Variants in NUFIP1 observed in about 807,000 individuals in gnomAD.
NUFIP1 encodes nuclear FMR1 interacting protein 1, also known as FMR1-interacting protein NUFIP1.
NUFIP1 carries 38 observed loss-of-function variants against 56.2 expected under a neutral mutation model. That is an observed-to-expected ratio of 0.68 (90% CI 0.52 to 0.89). NUFIP1 has a LOEUF of 0.89. NUFIP1 is among the 40% of genes least tolerant of loss of function. The pLI is 0.00. For synonymous variants in NUFIP1, 215 were observed against 212.4 expected, an observed-to-expected ratio of 1.01 and a Z score of -0.10; for missense variants, 567 against 605.8, an observed-to-expected ratio of 0.94 and a Z score of 0.67.
intron 6 of NUFIP1, among the ~76,000 whole-genome samples, chr13:44,964,539 A>G (rs192259233): frequency 2.4e-4 from 36 of 152,296 alleles, no homozygotes; most frequent in Admixed American, 9.2e-4. Context: ...GAATCCCTGA[A>G]TTGAGGAACT....
chr13:44,974,835 T>C (rs1214072807), intron 5 of NUFIP1, among the ~76,000 whole-genome samples: 1 of 152,164 alleles, frequency 6.6e-6, no homozygotes, highest in Non-Finnish European at 1.5e-5. Context: ...CACTGCAGCA[T>C]CTAACATGCC....
intron 8 of NUFIP1, among the ~76,000 whole-genome samples, chr13:44,945,550 A>G (rs11841407): frequency 0.058 from 8,791 of 152,124 alleles, 295 homozygotes; most frequent in East Asian, 0.079. Context: ...TCCCTCATGA[A>G]CATGTATGCA....
intron 5 of NUFIP1, among the ~76,000 whole-genome samples, chr13:44,977,249 C>A (rs1489045990): frequency 6.6e-6 from 1 of 152,170 alleles, no homozygotes; most frequent in African/African-American, 2.4e-5. Flanking sequence ...TGTATAAGAC[C>A]AGGGCCAACT....
At chr13:44,959,169 C>A (rs1424654990) in intron 7 of NUFIP1, among the ~76,000 whole-genome samples, 3 of 152,188 alleles carry the variant, frequency 2.0e-5, no homozygotes, top group Non-Finnish European at 4.4e-5. Flanking sequence ...TCTCCTATAG[C>A]CTCCCTGCCC....
At chr13:44,942,932 C>G (rs956722174) in intron 9 of NUFIP1, among the ~76,000 whole-genome samples, 1 of 147,794 alleles carries the variant, frequency 6.8e-6, no homozygotes, top group Non-Finnish European at 1.5e-5. Context: ...CGCCACTACA[C>G]TCCAGCTTGG....
chr13:44,951,690 G>A (rs1000636297), intron 7 of NUFIP1, among the ~76,000 whole-genome samples: 1 of 152,176 alleles, frequency 6.6e-6, no homozygotes, highest in African/African-American at 2.4e-5. Context: ...CTGCAATCAA[G>A]TGAATATGGC....
At chr13:44,983,176 TA>T (rs1490268801) in intron 1 of NUFIP1, among the ~76,000 whole-genome samples, 1 of 151,894 alleles carries the variant, frequency 6.6e-6, no homozygotes, top group African/African-American at 2.4e-5. Context: ...TATTTTATTT[TA>T]TTTTTTTTGG....
intron 5 of NUFIP1, among the ~76,000 whole-genome samples, chr13:44,973,122 C>G (rs9534014): frequency 0.59 from 89,048 of 152,044 alleles, 31,224 homozygotes; most frequent in Non-Finnish European, 0.78. Context: ...CAAAGTTTCT[C>G]TAGCCAGTGG....
chr13:44,968,185 T>C (rs1477903301), intron 5 of NUFIP1, among the ~76,000 whole-genome samples: 1 of 151,852 alleles, frequency 6.6e-6, no homozygotes, highest in Non-Finnish European at 1.5e-5. Flanking sequence ...AAACTATAAA[T>C]AAACATAAAA....
chr13:44,986,535 CA>C (rs998938451), intron 1 of NUFIP1, among the ~76,000 whole-genome samples: 17 of 151,792 alleles, frequency 1.1e-4, no homozygotes, highest in African/African-American at 3.6e-4. Context: ...ACTAAAAATA[CA>C]AAAAAATCAG....
At chr13:44,960,079 G>A (rs768373052) in intron 6 of NUFIP1, among the ~76,000 whole-genome samples, 9 of 149,920 alleles carry the variant, frequency 6.0e-5, no homozygotes, top group Non-Finnish European at 1.0e-4. Flanking sequence ...TTACAGGCAC[G>A]TGCCACCACA....
At chr13:44,961,021 C>T (rs140342314) in intron 6 of NUFIP1, among the ~76,000 whole-genome samples, 197 of 149,820 alleles carry the variant, frequency 1.3e-3, no homozygotes, top group African/African-American at 4.5e-3. Flanking sequence ...CCACTGCACT[C>T]CAGCCCGGGC....
intron 5 of NUFIP1, among the ~76,000 whole-genome samples, chr13:44,971,582 C>A (rs1032054205): frequency 6.6e-6 from 1 of 152,098 alleles, no homozygotes; most frequent in Admixed American, 6.6e-5. Context: ...CTATTCTCCC[C>A]CATTCCTTAA....
chr13:44,971,426 A>C (rs1273232769), intron 5 of NUFIP1, among the ~76,000 whole-genome samples: 1 of 151,966 alleles, frequency 6.6e-6, no homozygotes, highest in Non-Finnish European at 1.5e-5. Flanking sequence ...CTCAGCCCCC[A>C]CCTGTCCTAC....
chr13:44,979,914 C>T lies in NUFIP1; in HGVS notation c.633G>A (p.Lys211=). ...ELDCSFTAHE[K]IVQFHWRNMH... is the part of the protein sequence containing the mutation. ...CATTTCTCCAATGGAACTGGACAAT[C>T]TTCTCGTGTGCAGTAAAAGAGCAAT... Residue 211 remains lysine, a synonymous_variant, in exon 4 of 10, where the codon AAG becomes AAA. Transcript: ENST00000379161. The T allele has an allele frequency of 6.2e-7, 1 of 1,604,120 alleles. No homozygotes were observed. The highest frequency in any genetic ancestry group is 8.5e-7 in the Non-Finnish European group (1 of 1,177,232).
rs397959012 is a variant in NUFIP1 at position 44,942,967 on chromosome 13, T to TAAA, written c.1371+472_1371+474dup. On this transcript the variant is annotated intron_variant, in intron 9 of 9. Transcript: ENST00000379161. ...GGTGACAAAGCAAGACCTCAACTCTTAAAAAAAAAAAAAAAAAAAATAGGT... is the reference window on the plus strand; with the variant it reads ...GGTGACAAAGCAAGACCTCAACTCTTAAAAAAAAAAAAAAAAAAAAAAATAGGT... 5.7e-5 allele frequency among the ~76,000 whole-genome samples: 6 copies of TAAA among 105,116 alleles called. No individual in the cohort carries two copies. In the East Asian group the frequency reaches 1.5e-3, roughly 27 times the overall value. 69.0% of individuals were successfully genotyped at this position (105,116 alleles called of 152,430 possible).
chr13:44,954,821 T>C lies in NUFIP1; in HGVS notation c.1021+4560A>G, dbSNP rs1273345941. Among the ~76,000 whole-genome samples the C allele has an allele frequency of 3.9e-5, 6 of 152,360 alleles. No individual in the cohort carries two copies. In the East Asian group the frequency reaches 1.2e-3, roughly 29 times the overall value. ...CAGTGGGTATCCATGACACCTGATG[T>C]GCTGGGCCAGTTTATTTTCTTATTT... On this transcript the variant is annotated intron_variant, in intron 7 of 9. Transcript: ENST00000379161.
intron 6 of NUFIP1, among the ~76,000 whole-genome samples, chr13:44,962,674 T>C (rs560007055): frequency 2.6e-5 from 4 of 152,346 alleles, no homozygotes; most frequent in Non-Finnish European, 4.4e-5. Context: ...CAGTAATGTA[T>C]AGCAGCCTCC....
chr13:44,968,342 C>G (rs1871682652), intron 5 of NUFIP1, among the ~76,000 whole-genome samples: 1 of 148,832 alleles, frequency 6.7e-6, no homozygotes, highest in Non-Finnish European at 1.5e-5. Context: ...TACTCAAAAG[C>G]AGTCAGATAA....
Sources: allele counts gnomAD v4.1 joint callset (sites outside exome capture counted in the v4.1 genomes callset), GRCh38; gene constraint gnomAD v4.1.1; transcripts MANE v1.5; gene names NCBI Gene and HGNC (gene_info 2026-07-23, HGNC 2026-07-21).